The following ZFYVE28 variants were observed in gnomAD, a reference collection of about 807,000 sequenced individuals.
ZFYVE28 encodes zinc finger FYVE-type containing 28.
In ZFYVE28, 40 loss-of-function variants were observed where a neutral mutation model predicts 82.1. The observed-to-expected ratio is 0.49, with a 90% CI of 0.38 to 0.63. The LOEUF is 0.63. Among genes scored for constraint, ZFYVE28 ranks in the 30% least tolerant of loss-of-function variants. The probability of loss-of-function intolerance (pLI) is 0.00; values close to 1 mark genes in which losing one functional copy is unlikely to be tolerated. For synonymous variants in ZFYVE28, 612 were observed against 546.1 expected, an observed-to-expected ratio of 1.12 and a Z score of -1.68; for missense variants, 1,321 against 1,242.1, an observed-to-expected ratio of 1.06 and a Z score of -0.96.
chr4:2,365,341 C>T (rs1364487281), intron 1 of ZFYVE28, among the ~76,000 whole-genome samples: 3 of 151,578 alleles, frequency 2.0e-5, no homozygotes, highest in Non-Finnish European at 3.0e-5. Context: ...TGCCTCTGGG[C>T]CCGCACGTGC....
chr4:2,337,576 A>G, intron 4 of ZFYVE28, 80 bp from the exon 5 acceptor site: 1 of 1,158,796 alleles, frequency 8.6e-7, no homozygotes, highest in Non-Finnish European at 1.2e-6. Flanking sequence ...GGCATCTTCA[A>G]TTAAAGCTGC....
At position 2,418,251 on chromosome 4, in the gene ZFYVE28, G is replaced by T. The variant is rs752881398; in HGVS notation, c.39+34C>A. 6.5e-7 allele frequency: 1 copy of T among 1,532,464 alleles called. No individual in the cohort carries two copies. The highest frequency in any genetic ancestry group is 1.2e-5 in the South Asian group (1 of 82,634). 94.9% of individuals were successfully genotyped at this position (1,532,464 alleles called of 1,614,324 possible). On this transcript the variant is annotated intron_variant, in intron 1 of 12. Coordinates refer to ENST00000290974, the MANE Select transcript of ZFYVE28 (RefSeq NM_020972.3). The surrounding 1 kb of genome is among the most constrained non-coding windows in gnomAD (Gnocchi z 4.6). ...TCCTGGGGAAGGGAGAGGCCGCGAC[G>T]CGGGGGGCGTCCGGCCCGAGCGGGG...
intron 5 of ZFYVE28, among the ~76,000 whole-genome samples, chr4:2,336,624 AT>A (rs1721740550): frequency 6.7e-6 from 1 of 148,272 alleles, no homozygotes; most frequent in Admixed American, 7.1e-5. Flanking sequence ...GCAAAAACTC[AT>A]TCCTGGACTG....
Position 2,304,969 on chromosome 4 carries a change from GTCC to G in ZFYVE28, c.1368_1370del (p.Glu456del), listed in dbSNP as rs1560173955. 26 of 1,612,726 alleles carry G rather than the reference GTCC, an allele frequency of 1.6e-5. No homozygotes were observed. The highest frequency in any genetic ancestry group is 2.1e-5 in the Non-Finnish European group (25 of 1,179,888). Reference sequence around the variant, plus strand: ...CGGCCTCGAGATTGTTGTTGCTCAAGTCCTCCTCCTTTTCCGAGGCGGGCAAGC... The same window carrying G: ...CGGCCTCGAGATTGTTGTTGCTCAAGTCCTCCTTTTCCGAGGCGGGCAAGC... On this transcript the variant is annotated inframe_deletion, in exon 8 of 13. Transcript: ENST00000290974.
At chr4:2,379,673 T>G (rs947406232) in intron 1 of ZFYVE28, among the ~76,000 whole-genome samples, 11 of 152,218 alleles carry the variant, frequency 7.2e-5, no homozygotes, top group Admixed American at 7.2e-4. Context: ...TTTATCCTCA[T>G]GGGATACATT....
chr4:2,276,315 C>G (rs1245200147), intron 8 of ZFYVE28, among the ~76,000 whole-genome samples: 2 of 152,340 alleles, frequency 1.3e-5, no homozygotes, highest in African/African-American at 4.8e-5. Context: ...TGCTCCGTGG[C>G]TCTCCCCTCC....
intron 8 of ZFYVE28, among the ~76,000 whole-genome samples, chr4:2,284,630 C>T (rs530504505): frequency 9.7e-4 from 148 of 152,306 alleles, no homozygotes; most frequent in African/African-American, 3.3e-3. Context: ...TCTGGTTCCC[C>T]AGAGGAGTTG....
intron 11 of ZFYVE28, 78 bp downstream of exon 11, chr4:2,271,597 C>T: frequency 4.0e-6 from 6 of 1,518,956 alleles, no homozygotes; most frequent in Non-Finnish European, 5.5e-6. Context: ...GCCCCTCCCC[C>T]AGGAGGAAGG....
intron 6 of ZFYVE28, chr4:2,329,115 C>T (rs1354840951): frequency 1.4e-6 from 1 of 700,400 alleles, no homozygotes; most frequent in Non-Finnish European, 2.6e-6. Context: ...TGCAGTTCCA[C>T]ATGAATTTTA....
In ZFYVE28 at chr4:2,351,442, G is replaced by A. The variant is rs552939515; in HGVS notation, c.180+2491C>T. Among the ~76,000 whole-genome samples, 31 of 152,298 alleles carry A rather than the reference G, an allele frequency of 2.0e-4. 1 individual carries two copies. In the South Asian group the frequency reaches 3.7e-3, roughly 18 times the overall value. On this transcript the variant is annotated intron_variant, in intron 2 of 12. Transcript: ENST00000290974. ...AAAATTGACATTTAGGGCCAGGCAC[G>A]GTGACTCATGCCCGTAATCCCAGAA...
rs753184462 is a variant in ZFYVE28, at chr4:2,304,841, G to T, written c.1499C>A (p.Thr500Lys). The change falls in exon 8 of 13, where the codon ACG (threonine) becomes AAG (lysine). Residue 500 changes from threonine (T) to lysine (K), a missense_variant. Physicochemically the swap from Thr to Lys is moderately conservative, Grantham distance 78 (BLOSUM62 -1). Around this residue, in one of 2 missense-constraint regions of ZFYVE28, gnomAD observed 978 missense variants for 833.7 expected, o/e 1.17. Coordinates refer to ENST00000290974, the MANE Select transcript of ZFYVE28 (RefSeq NM_020972.3). ...TGTCCGGTGGGCGATCATCTCAGCCGTCTCTGCGTCATCCGCACCCACCTC... is the reference window on the plus strand; with the variant it reads ...TGTCCGGTGGGCGATCATCTCAGCCTTCTCTGCGTCATCCGCACCCACCTC... ...GWEVGADDAE[T>K]AEMIAHRTGG... The T allele has an allele frequency of 5.6e-6, 9 of 1,612,590 alleles. No homozygotes were observed. Among genetic ancestry groups the T allele is most frequent in the Non-Finnish European group, 7.6e-6 (9 of 1,179,898 alleles).
intron 7 of ZFYVE28, among the ~76,000 whole-genome samples, chr4:2,319,874 G>A (rs1470261860): frequency 6.6e-6 from 1 of 152,076 alleles, no homozygotes; most frequent in Non-Finnish European, 1.5e-5. Context: ...AATGGGAATG[G>A]TGGGGACAGC....
At chr4:2,356,036 A>G (rs1016643278) in intron 1 of ZFYVE28, among the ~76,000 whole-genome samples, 9 of 151,754 alleles carry the variant, frequency 5.9e-5, no homozygotes, top group Non-Finnish European at 1.0e-4. Flanking sequence ...CTGGCCTGCC[A>G]CCCCTCCCCT....
chr4:2,378,265 C>T (rs993605318), intron 1 of ZFYVE28, among the ~76,000 whole-genome samples: 2 of 152,172 alleles, frequency 1.3e-5, no homozygotes, highest in African/African-American at 4.8e-5. Context: ...TGCTTGAACC[C>T]GGGAGGCGGA....
intron 1 of ZFYVE28, among the ~76,000 whole-genome samples, chr4:2,381,775 T>G (rs780106745): frequency 1.6e-4 from 25 of 152,362 alleles, no homozygotes; most frequent in Admixed American, 5.2e-4. Flanking sequence ...AGAAATTTGC[T>G]TAAGTAATGA....
intron 8 of ZFYVE28, among the ~76,000 whole-genome samples, chr4:2,299,301 G>A (rs377263530): frequency 8.5e-5 from 13 of 152,144 alleles, no homozygotes; most frequent in African/African-American, 2.9e-4. Flanking sequence ...AGGGTACTCC[G>A]TTTTTCCCCC....
chr4:2,319,546 T>C (rs1414754844), intron 7 of ZFYVE28, among the ~76,000 whole-genome samples: 1 of 152,180 alleles, frequency 6.6e-6, no homozygotes, highest in Non-Finnish European at 1.5e-5. Flanking sequence ...AATACCAAGC[T>C]GTCCCAGGCC....
chr4:2,273,937 G>T, intron 9 of ZFYVE28, 125 bp downstream of exon 9: 1 of 1,114,318 alleles, frequency 9.0e-7, no homozygotes, highest in East Asian at 2.5e-5. Flanking sequence ...GGCTCCTTAG[G>T]GGCAGAGTGG....
intron 1 of ZFYVE28, among the ~76,000 whole-genome samples, chr4:2,404,937 T>C (rs1731696288): frequency 6.7e-6 from 1 of 148,324 alleles, no homozygotes; most frequent in African/African-American, 2.5e-5. Flanking sequence ...ACAGTCGTAG[T>C]TCACTGCAGC....
Sources: allele counts gnomAD v4.1 joint callset (sites outside exome capture counted in the v4.1 genomes callset), GRCh38; gene constraint gnomAD v4.1.1; regional missense constraint gnomAD v4.1.1; non-coding constraint Gnocchi (gnomAD v3.1); transcripts MANE v1.5; gene names NCBI Gene and HGNC (gene_info 2026-07-23, HGNC 2026-07-21).